The following ROBO2 variants were observed in gnomAD, a reference collection of about 807,000 sequenced individuals.
ROBO2 encodes the protein roundabout homolog 2.
In ROBO2, 53 loss-of-function variants were observed where a neutral mutation model predicts 160.8. The ratio of observed to expected loss-of-function variants is 0.33; its 90% confidence interval spans 0.26 to 0.41. The LOEUF is 0.41. Among genes scored for constraint, ROBO2 ranks in the 10% least tolerant of loss-of-function variants. The pLI is 1.00. For missense variants in ROBO2, 1,577 were observed against 1,722.4 expected (o/e 0.92, Z 1.49); for synonymous variants, 664 against 611.7 (o/e 1.09, Z -1.26).
chr3:77,188,983 GA>G (rs2081553815), intron 2 of ROBO2, among the ~76,000 whole-genome samples: 1 of 148,370 alleles, frequency 6.7e-6, no homozygotes, highest in Non-Finnish European at 1.5e-5. Flanking sequence ...GAGAGAGAGA[GA>G]GAGAGAGAGA....
chr3:76,332,950 TA>T (rs970070124), intron 2 of ROBO2, among the ~76,000 whole-genome samples: 13 of 152,198 alleles, frequency 8.5e-5, no homozygotes, highest in Non-Finnish European at 2.9e-5. Flanking sequence ...GAGGACTTGT[TA>T]AAACAAATTG....
At chr3:76,522,099 A>C (rs1265225726) in intron 2 of ROBO2, among the ~76,000 whole-genome samples, 1 of 152,164 alleles carries the variant, frequency 6.6e-6, no homozygotes, top group Non-Finnish European at 1.5e-5. Flanking sequence ...TAAGAATAGC[A>C]TTTGCATTGT....
At chr3:76,910,137 T>A (rs1373513548) in intron 2 of ROBO2, among the ~76,000 whole-genome samples, 1 of 152,152 alleles carries the variant, frequency 6.6e-6, no homozygotes, top group Non-Finnish European at 1.5e-5. Flanking sequence ...ATGTCCTCAT[T>A]TTAGCCACTC....
At chr3:77,387,350 A>G (rs1581556489) in intron 2 of ROBO2, among the ~76,000 whole-genome samples, 1 of 151,922 alleles carries the variant, frequency 6.6e-6, no homozygotes, top group South Asian at 2.1e-4. Flanking sequence ...AAAAAAAAAA[A>G]AAAATGAAAA....
At chr3:75,978,133 T>C (rs1275551897) in intron 2 of ROBO2, among the ~76,000 whole-genome samples, 1 of 151,598 alleles carries the variant, frequency 6.6e-6, no homozygotes, top group African/African-American at 2.4e-5. Context: ...TTTACCATCA[T>C]AAATGTGGTG....
intron 2 of ROBO2, among the ~76,000 whole-genome samples, chr3:76,346,480 C>G (rs959522674): frequency 6.6e-6 from 1 of 152,076 alleles, no homozygotes; most frequent in Non-Finnish European, 1.5e-5. Flanking sequence ...AAATTACTTT[C>G]TGGTTTTGGT....
chr3:77,152,796 C>T (rs554486921), intron 2 of ROBO2, among the ~76,000 whole-genome samples: 1 of 152,300 alleles, frequency 6.6e-6, no homozygotes, highest in African/African-American at 2.4e-5. Context: ...TTCCTTATAA[C>T]TCACCCTTTT....
At chr3:77,084,472 T>C (rs553799964) in intron 1 of ROBO2, among the ~76,000 whole-genome samples, 4 of 152,298 alleles carry the variant, frequency 2.6e-5, no homozygotes, top group South Asian at 4.1e-4. Context: ...ACAAAACTTA[T>C]CACTTTACAT....
At chr3:77,099,004 C>T (rs1362677884) in intron 2 of ROBO2, among the ~76,000 whole-genome samples, 2 of 151,496 alleles carry the variant, frequency 1.3e-5, no homozygotes, top group Admixed American at 1.3e-4. Flanking sequence ...TATATATTTT[C>T]TCCTAAATAA....
intron 2 of ROBO2, among the ~76,000 whole-genome samples, chr3:76,858,821 T>G (rs980532791): frequency 1.3e-5 from 2 of 152,160 alleles, no homozygotes; most frequent in African/African-American, 4.8e-5. Flanking sequence ...GATCCACATT[T>G]GTGTGGTATC....
At chr3:77,608,986 C>A (rs1203841670) in intron 21 of ROBO2, among the ~76,000 whole-genome samples, 1 of 151,636 alleles carries the variant, frequency 6.6e-6, no homozygotes, top group Non-Finnish European at 1.5e-5. Flanking sequence ...ATTAATTTTT[C>A]TAACTAGAAT....
intron 2 of ROBO2, among the ~76,000 whole-genome samples, chr3:76,331,031 G>T (rs149545168): frequency 0.045 from 6,898 of 152,158 alleles, 239 homozygotes; most frequent in Non-Finnish European, 0.07. Flanking sequence ...GTTTATAGTT[G>T]CCTTCAACAG....
chr3:76,552,033 C>T (rs1029433076), intron 2 of ROBO2, among the ~76,000 whole-genome samples: 4 of 152,086 alleles, frequency 2.6e-5, no homozygotes, highest in Non-Finnish European at 4.4e-5. Context: ...TGCTGCCAGC[C>T]ACAGAGGTTT....
intron 2 of ROBO2, among the ~76,000 whole-genome samples, chr3:77,360,093 A>C (rs939007788): frequency 8.5e-5 from 13 of 152,164 alleles, no homozygotes; most frequent in African/African-American, 3.1e-4. Flanking sequence ...GAAATCCCCT[A>C]AGTTTATTTA....
At chr3:77,485,627 A>T (rs1227853716) in intron 4 of ROBO2, among the ~76,000 whole-genome samples, 1 of 152,056 alleles carries the variant, frequency 6.6e-6, no homozygotes, top group Non-Finnish European at 1.5e-5. Flanking sequence ...TCTTTGTCAA[A>T]CATGTTTTCA....
At chr3:77,229,837 GTTA>G (rs1227686958) in intron 2 of ROBO2, among the ~76,000 whole-genome samples, 2 of 152,056 alleles carry the variant, frequency 1.3e-5, no homozygotes, top group Non-Finnish European at 2.9e-5. Flanking sequence ...AAATCAAGAG[GTTA>G]TTATTTTTAC....
At position 77,145,418 on chromosome 3, in the gene ROBO2, C is replaced by T. The variant is rs112087305; in HGVS notation, c.388+47078C>T. Among the ~76,000 whole-genome samples the T allele has an allele frequency of 3.1e-3, 469 of 152,132 alleles. 3 individuals are homozygous for T. The highest frequency in any genetic ancestry group is 9.5e-3 in the African/African-American group (393 of 41,506). On this transcript the variant is annotated intron_variant, in intron 2 of 25. Transcript: ENST00000461745. ...CTTGTAGCTAACGTTCTGAAGGAAC[C>T]GCTGTATTTTAAGTCATGTCTTTTG...
intron 2 of ROBO2, among the ~76,000 whole-genome samples, chr3:76,049,401 ATATTTTTT>A (rs1324137913): frequency 1.6e-5 from 1 of 63,738 alleles, no homozygotes; most frequent in East Asian, 4.2e-4. Flanking sequence ...ATATATATAT[ATATTTTTT>A]TTTTTTTTTT....
At chr3:76,847,867 C>T (rs1345050672) in intron 2 of ROBO2, among the ~76,000 whole-genome samples, 1 of 151,976 alleles carries the variant, frequency 6.6e-6, no homozygotes, top group Non-Finnish European at 1.5e-5. Context: ...GACATTATAT[C>T]CTTTTTTCTT....
Sources: allele counts gnomAD v4.1 joint callset (sites outside exome capture counted in the v4.1 genomes callset), GRCh38; gene constraint gnomAD v4.1.1; transcripts MANE v1.5; gene names NCBI Gene and HGNC (gene_info 2026-07-23, HGNC 2026-07-21).